SLC8A1: variants seen among roughly 807,000 people sequenced by gnomAD.
SLC8A1 encodes solute carrier family 8 member A1, also known as sodium/calcium exchanger 1.
Under a neutral mutation model 68.3 loss-of-function variants are expected in SLC8A1, and 18 were observed. That is an observed-to-expected ratio of 0.26 (90% CI 0.18 to 0.39). The LOEUF is 0.39. SLC8A1 is among the 10% of genes least tolerant of loss of function. SLC8A1 has a pLI of 1.00. For synonymous variants in SLC8A1, 475 were observed against 415.5 expected, an observed-to-expected ratio of 1.14 and a Z score of -1.74; for missense variants, 985 against 1,156.7, an observed-to-expected ratio of 0.85 and a Z score of 2.15.
At chr2:40,395,102 G>C (rs1022861762) in intron 2 of SLC8A1, among the ~76,000 whole-genome samples, 6 of 152,102 alleles carry the variant, frequency 3.9e-5, no homozygotes, top group African/African-American at 1.4e-4. Context: ...TGCTCTTTAA[G>C]ACAAAAGTTT....
intron 2 of SLC8A1, among the ~76,000 whole-genome samples, chr2:40,416,847 C>G (rs749242950): frequency 1.3e-5 from 2 of 151,920 alleles, no homozygotes; most frequent in Non-Finnish European, 2.9e-5. Flanking sequence ...AAAGTAGTAA[C>G]AAAACCAGCA....
At chr2:40,338,075 C>G (rs1399017118) in intron 2 of SLC8A1, among the ~76,000 whole-genome samples, 1 of 152,002 alleles carries the variant, frequency 6.6e-6, no homozygotes, top group Admixed American at 6.6e-5. Flanking sequence ...TTAAGTTTCT[C>G]TCTATCTCTC....
In SLC8A1 at chr2:40,175,230, GGAAAGGAAATGCAA is replaced by G. The variant is rs750067245; in HGVS notation, c.1913-402_1913-389del. On this transcript the variant is annotated intron_variant, in intron 3 of 7. Transcript: ENST00000406785. ...GAAATGGAAAATAATCTAGAAAAATGGAAAGGAAATGCAAGAAATGAAATGCTTACCAAGCTCAT... is the reference window on the plus strand; with the variant it reads ...GAAATGGAAAATAATCTAGAAAAATGGAAATGAAATGCTTACCAAGCTCAT... 1.2e-6 allele frequency: 2 copies of G among 1,607,104 alleles called. No individual in the cohort carries two copies. The highest frequency in any genetic ancestry group is 1.7e-6 in the Non-Finnish European group (2 of 1,174,188).
At chr2:40,167,274 G>C (rs1239711891) in intron 4 of SLC8A1, among the ~76,000 whole-genome samples, 1 of 152,134 alleles carries the variant, frequency 6.6e-6, no homozygotes, top group Non-Finnish European at 1.5e-5. Context: ...TTTTAAGATA[G>C]GTAGTCAAAA....
intron 2 of SLC8A1, among the ~76,000 whole-genome samples, chr2:40,297,105 T>C (rs2070541282): frequency 6.6e-6 from 1 of 152,166 alleles, no homozygotes; most frequent in Non-Finnish European, 1.5e-5. Flanking sequence ...ATCTTACCAC[T>C]AGGCACTGTG....
chr2:40,489,676 G>A (rs1576657089), intron 1 of SLC8A1, among the ~76,000 whole-genome samples: 1 of 152,102 alleles, frequency 6.6e-6, no homozygotes, highest in Non-Finnish European at 1.5e-5. Flanking sequence ...GAAGACAAAA[G>A]AACAGGCCCA....
intron 7 of SLC8A1, among the ~76,000 whole-genome samples, chr2:40,127,543 A>T (rs549077062): frequency 6.6e-6 from 1 of 152,252 alleles, no homozygotes; most frequent in Non-Finnish European, 1.5e-5. Flanking sequence ...AGTTGTGGTT[A>T]CCTGCTTTTT....
chr2:40,103,967 A>C (rs957481873), exon 8 of SLC8A1: 1 of 152,182 alleles, frequency 6.6e-6, no homozygotes, highest in South Asian at 2.1e-4. Flanking sequence ...ACGGGGCTTG[A>C]TGTGTTCTGG....
chr2:40,204,117 A>G (rs2054927346), intron 2 of SLC8A1, among the ~76,000 whole-genome samples: 1 of 152,040 alleles, frequency 6.6e-6, no homozygotes. Flanking sequence ...AAATGCACAC[A>G]TGCTTTTAAA....
At chr2:40,291,234 C>T (rs1354782566) in intron 2 of SLC8A1, among the ~76,000 whole-genome samples, 1 of 152,094 alleles carries the variant, frequency 6.6e-6, no homozygotes, top group Non-Finnish European at 1.5e-5. Context: ...ACTTTCCAGT[C>T]TAAAATGTCA....
chr2:40,099,423 TG>T (rs1401005263), exon 8 of SLC8A1: 2 of 152,180 alleles, frequency 1.3e-5, no homozygotes, highest in East Asian at 3.9e-4. Flanking sequence ...CAAAGTGTAG[TG>T]AAGTTATTTA....
intron 1 of SLC8A1, among the ~76,000 whole-genome samples, chr2:40,493,700 G>A (rs967831495): frequency 6.8e-6 from 1 of 146,262 alleles, no homozygotes; most frequent in Non-Finnish European, 1.5e-5. Flanking sequence ...TGTTTCCCAG[G>A]CTGGAGTGCA....
chr2:40,466,555 T>G (rs1255076483), intron 1 of SLC8A1, among the ~76,000 whole-genome samples: 3 of 152,234 alleles, frequency 2.0e-5, no homozygotes, highest in Non-Finnish European at 4.4e-5. Flanking sequence ...ACAACTGCTC[T>G]GAGCCTTGCT....
At chr2:40,449,558 T>C (rs2149867826) in intron 1 of SLC8A1, among the ~76,000 whole-genome samples, 1 of 152,314 alleles carries the variant, frequency 6.6e-6, no homozygotes, top group Admixed American at 6.5e-5. Context: ...TTTCCATTTG[T>C]AATTTTATTG....
exon 2 of SLC8A1, chr2:40,429,742 A>G: frequency 6.2e-7 from 1 of 1,613,816 alleles, no homozygotes; most frequent in Non-Finnish European, 8.5e-7. Context: ...AATAATGATG[A>G]ACATATTGAA....
intron 2 of SLC8A1, among the ~76,000 whole-genome samples, chr2:40,401,190 T>A (rs4487129): frequency 2.0e-5 from 3 of 152,204 alleles, no homozygotes; most frequent in Non-Finnish European, 4.4e-5. Context: ...CATTTCTCTG[T>A]GGCATGCCTG....
At chr2:40,152,192 A>G (rs553425484) in intron 6 of SLC8A1, among the ~76,000 whole-genome samples, 22 of 152,332 alleles carry the variant, frequency 1.4e-4, no homozygotes, top group African/African-American at 5.3e-4. Flanking sequence ...GGGGCATGAC[A>G]TGCACAGAAA....
chr2:40,468,908 T>C (rs1703848969), intron 1 of SLC8A1, among the ~76,000 whole-genome samples: 1 of 152,120 alleles, frequency 6.6e-6, no homozygotes, highest in African/African-American at 2.4e-5. Context: ...AGATCCCATC[T>C]CTATATTTAA....
At chr2:40,147,663 G>A (rs1214835718) in intron 6 of SLC8A1, among the ~76,000 whole-genome samples, 1 of 152,130 alleles carries the variant, frequency 6.6e-6, no homozygotes, top group Non-Finnish European at 1.5e-5. Context: ...AACTGTTTGG[G>A]CAGTGATAAC....
Sources: gnomAD v4.1 joint callset for allele counts (sites outside exome capture counted in the v4.1 genomes callset) on GRCh38, gnomAD v4.1.1 for gene constraint, MANE v1.5 for transcripts, NCBI Gene and HGNC (gene_info 2026-07-23, HGNC 2026-07-21) for gene names.